RPS6KA5: variants seen among roughly 807,000 people sequenced by gnomAD.
The protein encoded by RPS6KA5 is ribosomal protein S6 kinase alpha-5.
RPS6KA5 carries 27 observed loss-of-function variants against 85.5 expected under a neutral mutation model. The observed-to-expected ratio is 0.32, with a 90% CI of 0.23 to 0.44. RPS6KA5 has a LOEUF of 0.44. RPS6KA5 is among the 20% of genes least tolerant of loss of function. RPS6KA5 has a pLI of 1.00. For synonymous variants in RPS6KA5, 334 were observed against 348.2 expected, an observed-to-expected ratio of 0.96 and a Z score of 0.46; for missense variants, 811 against 980.9, an observed-to-expected ratio of 0.83 and a Z score of 2.31.
At chr14:90,974,147 T>C (rs771842455) in intron 3 of RPS6KA5, among the ~76,000 whole-genome samples, 5 of 151,538 alleles carry the variant, frequency 3.3e-5, no homozygotes, top group Admixed American at 6.6e-5. Context: ...CACTATGTAA[T>C]CTAATCTTAG....
At chr14:90,980,771 A>G (rs912939601) in intron 2 of RPS6KA5, among the ~76,000 whole-genome samples, 10 of 152,218 alleles carry the variant, frequency 6.6e-5, no homozygotes, top group African/African-American at 2.4e-4. Flanking sequence ...AGAAGTCACA[A>G]TGCAAGTTAG....
intron 7 of RPS6KA5, among the ~76,000 whole-genome samples, chr14:90,919,547 C>T (rs970472965): frequency 6.6e-6 from 1 of 152,136 alleles, no homozygotes; most frequent in South Asian, 2.1e-4. Flanking sequence ...TCACTATTCA[C>T]TTATTTGTTC....
At chr14:91,056,867 C>CTTTTTTTTTTTTTTTTTT (rs34807092) in intron 1 of RPS6KA5, among the ~76,000 whole-genome samples, 1 of 38,850 alleles carries the variant, frequency 2.6e-5, no homozygotes, top group Non-Finnish European at 4.6e-5. Context: ...GCAGTATTAT[C>CTTTTTTTTTTTTTTTTTT]TTTTTTTTTT....
chr14:91,026,302 C>A (rs2041988155), intron 1 of RPS6KA5, among the ~76,000 whole-genome samples: 1 of 152,178 alleles, frequency 6.6e-6, no homozygotes, highest in African/African-American at 2.4e-5. Context: ...ATGATCACGG[C>A]TCACTGCAGC....
At chr14:90,894,717 A>G (rs1595147747) in intron 12 of RPS6KA5, 134 bp from the exon 13 acceptor site, 2 of 1,082,508 alleles carry the variant, frequency 1.8e-6, no homozygotes, top group African/African-American at 1.6e-5. Context: ...GGCAATCCTC[A>G]TATCTTAGAG....
intron 3 of RPS6KA5, among the ~76,000 whole-genome samples, chr14:90,976,089 C>A (rs1265027637): frequency 2.0e-5 from 3 of 150,264 alleles, no homozygotes; most frequent in Non-Finnish European, 4.4e-5. Context: ...GTTTTCTAGT[C>A]TAATACAAAA....
rs148686017 is a variant in RPS6KA5 at position 90,975,239 on chromosome 14, C to A, written c.394+3067G>T. Among the ~76,000 whole-genome samples the A allele has an allele frequency of 5.5e-3, 842 of 152,110 alleles. 8 individuals carry two copies. Among genetic ancestry groups the A allele is most frequent in the African/African-American group, 0.019 (806 of 41,514 alleles). On this transcript the variant is annotated intron_variant, in intron 3 of 16. Coordinates refer to ENST00000614987, the MANE Select transcript of RPS6KA5 (RefSeq NM_004755.4). Reference sequence around the variant, plus strand: ...ACTTAGTCATCAGACAAACTGTTAGCAAGGTTCCTGAAGAGCTAGACATGT... The same window carrying A: ...ACTTAGTCATCAGACAAACTGTTAGAAAGGTTCCTGAAGAGCTAGACATGT...
intron 1 of RPS6KA5, among the ~76,000 whole-genome samples, chr14:91,034,707 C>G (rs1365359672): frequency 6.6e-6 from 1 of 152,214 alleles, no homozygotes; most frequent in African/African-American, 2.4e-5. Context: ...TTCTTTCACT[C>G]TTCACAATAA....
intron 3 of RPS6KA5, among the ~76,000 whole-genome samples, chr14:90,962,857 T>G (rs867737922): frequency 2.2e-4 from 34 of 152,328 alleles, no homozygotes; most frequent in African/African-American, 7.2e-4. Context: ...GAGAATACGT[T>G]GGAGATATCG....
chr14:91,034,383 A>G (rs1184705085), intron 1 of RPS6KA5, among the ~76,000 whole-genome samples: 2 of 152,076 alleles, frequency 1.3e-5, no homozygotes, highest in Non-Finnish European at 2.9e-5. Flanking sequence ...TGAGAGGTGA[A>G]GCCAGCTGGA....
chr14:90,971,450 T>C (rs779347713), intron 3 of RPS6KA5, among the ~76,000 whole-genome samples: 1 of 152,148 alleles, frequency 6.6e-6, no homozygotes, highest in Non-Finnish European at 1.5e-5. Flanking sequence ...TGATGCCTGA[T>C]TTACAAGATG....
intron 2 of RPS6KA5, among the ~76,000 whole-genome samples, chr14:90,984,187 G>A (rs1037869145): frequency 9.2e-5 from 14 of 152,198 alleles, no homozygotes; most frequent in Non-Finnish European, 2.1e-4. Flanking sequence ...GACTAGTCCT[G>A]CAGTGTTTGA....
At chr14:90,943,213 A>T (rs2037677467) in intron 4 of RPS6KA5, 28 bp from the exon 5 acceptor site, 1 of 1,308,238 alleles carries the variant, frequency 7.6e-7, no homozygotes, top group South Asian at 1.3e-5. Context: ...TATAAATTTT[A>T]AAATAATTTA....
At chr14:90,967,384 C>G (rs1043251365) in intron 3 of RPS6KA5, among the ~76,000 whole-genome samples, 2 of 152,064 alleles carry the variant, frequency 1.3e-5, no homozygotes, top group African/African-American at 4.8e-5. Flanking sequence ...GCCAGGCATA[C>G]AGTAGGCATT....
chr14:90,977,588 T>C (rs1371722987), intron 3 of RPS6KA5, among the ~76,000 whole-genome samples: 1 of 152,182 alleles, frequency 6.6e-6, no homozygotes, highest in African/African-American at 2.4e-5. Flanking sequence ...TTTTTCTTTT[T>C]CTCCATTACT....
At chr14:90,914,311 T>TTG (rs2035992123) in intron 7 of RPS6KA5, among the ~76,000 whole-genome samples, 1 of 136,396 alleles carries the variant, frequency 7.3e-6, no homozygotes, top group Non-Finnish European at 1.6e-5. Context: ...TCCCTAGGGT[T>TTG]TTTTTTTTTT....
intron 3 of RPS6KA5, among the ~76,000 whole-genome samples, chr14:90,955,052 T>A (rs549540668): frequency 1.3e-5 from 2 of 152,318 alleles, no homozygotes; most frequent in Admixed American, 6.5e-5. Flanking sequence ...TTTGGTTTCA[T>A]TGATTTTCTC....
intron 15 of RPS6KA5, 69 bp downstream of exon 15, chr14:90,875,132 T>C (rs1595097425): frequency 1.4e-6 from 2 of 1,399,950 alleles, no homozygotes; most frequent in Non-Finnish European, 2.0e-6. Context: ...TGAATGTATG[T>C]GTAATGGCCA....
intron 2 of RPS6KA5, among the ~76,000 whole-genome samples, chr14:90,979,723 C>T (rs1024186613): frequency 2.0e-5 from 3 of 152,246 alleles, no homozygotes; most frequent in Non-Finnish European, 2.9e-5. Context: ...TGCCGATGCC[C>T]GGCTCTGCAC....
Sources: gnomAD v4.1 joint callset for allele counts (sites outside exome capture counted in the v4.1 genomes callset) on GRCh38, gnomAD v4.1.1 for gene constraint, MANE v1.5 for transcripts, NCBI Gene and HGNC (gene_info 2026-07-23, HGNC 2026-07-21) for gene names.